Variants in NRF1 observed in about 807,000 individuals in gnomAD.
NRF1 encodes alpha palindromic-binding protein.
Under a neutral mutation model 58.5 loss-of-function variants are expected in NRF1, and 5 were observed. The ratio of observed to expected loss-of-function variants is 0.09; its 90% confidence interval spans 0.04 to 0.18. The LOEUF (loss-of-function observed/expected upper bound fraction) is 0.18. Ranked by LOEUF, NRF1 falls within the 10% of genes least tolerant of loss-of-function variation. The pLI, the probability that NRF1 is intolerant of heterozygous loss-of-function variation, is 1.00. For missense variants in NRF1, 288 were observed against 657.7 expected (o/e 0.44, Z 6.15); for synonymous variants, 224 against 246.7 (o/e 0.91, Z 0.86).
intron 5 of NRF1, among the ~76,000 whole-genome samples, chr7:129,700,395 T>C (rs1340559990): frequency 6.6e-6 from 1 of 152,186 alleles, no homozygotes; most frequent in East Asian, 1.9e-4. Flanking sequence ...AATTAAGTCA[T>C]AGTCTTCAGG....
chr7:129,736,445 T>TG (rs2116281138), intron 10 of NRF1, among the ~76,000 whole-genome samples: 1 of 151,942 alleles, frequency 6.6e-6, no homozygotes, highest in African/African-American at 2.4e-5. Flanking sequence ...TTAGTAGAGA[T>TG]GGGGTTTCAC....
chr7:129,673,640 C>T (rs1300473479), intron 3 of NRF1, among the ~76,000 whole-genome samples: 2 of 147,648 alleles, frequency 1.4e-5, no homozygotes, highest in Non-Finnish European at 3.0e-5. Context: ...TGGCGTGAAC[C>T]CGGGAGGCGG....
rs748194138 is a variant in NRF1 at position 129,657,376 on chromosome 7, A to G, written c.25A>G (p.Thr9Ala). 3.1e-6 allele frequency: 5 copies of G among 1,614,156 alleles called. No individual in the cohort carries two copies. Among genetic ancestry groups the G allele is most frequent in the Non-Finnish European group, 4.2e-6 (5 of 1,180,010 alleles). ...CATGGAGGAACACGGAGTGACCCAAACCGAACATATGGCTACCATAGAAGC... is the reference window on the plus strand; with the variant it reads ...CATGGAGGAACACGGAGTGACCCAAGCCGAACATATGGCTACCATAGAAGC... Reference protein sequence around the residue: MEEHGVTQTEHMATIEAHA... With the variant: MEEHGVTQAEHMATIEAHA... Residue 9 changes from threonine to alanine, a missense_variant, in exon 2 of 11, where the codon ACC (threonine) becomes GCC (alanine). Physicochemically the swap from Thr to Ala is moderately conservative, Grantham distance 58. This residue lies in a region of NRF1 where 48 missense variants were observed against 65.5 expected (regional missense o/e 0.73). Transcript: ENST00000393232.
At chr7:129,723,206 G>A (rs1803371245) in intron 9 of NRF1, among the ~76,000 whole-genome samples, 1 of 152,098 alleles carries the variant, frequency 6.6e-6, no homozygotes, top group Non-Finnish European at 1.5e-5. Flanking sequence ...CACTTTGGGA[G>A]GCCGAGGCGG....
At chr7:129,634,121 A>AT (rs1445552741) in intron 1 of NRF1, among the ~76,000 whole-genome samples, 1 of 151,098 alleles carries the variant, frequency 6.6e-6, no homozygotes, top group Non-Finnish European at 1.5e-5. Flanking sequence ...TTACAGAAAA[A>AT]TTGAGTGGAG....
chr7:129,732,974 G>A (rs1045896363), intron 10 of NRF1, among the ~76,000 whole-genome samples: 18 of 151,904 alleles, frequency 1.2e-4, no homozygotes, highest in Non-Finnish European at 2.4e-4. Context: ...AGGAGGCTGA[G>A]GCAGGAGAAT....
chr7:129,663,625 C>T (rs184713380), intron 2 of NRF1, among the ~76,000 whole-genome samples: 3,018 of 142,978 alleles, frequency 0.021, 96 homozygotes, highest in African/African-American at 0.072. Context: ...TGGGCAGAGG[C>T]GCTCCTCACT....
chr7:129,702,356 G>A (rs1045944207), intron 5 of NRF1, among the ~76,000 whole-genome samples: 2 of 152,174 alleles, frequency 1.3e-5, no homozygotes, highest in African/African-American at 4.8e-5. Context: ...CCATTGACTG[G>A]CCTTCAAATT....
intron 5 of NRF1, among the ~76,000 whole-genome samples, chr7:129,691,158 G>C (rs1327826340): frequency 3.3e-5 from 5 of 151,902 alleles, no homozygotes; most frequent in African/African-American, 1.2e-4. Context: ...CAAAGTGCTG[G>C]GATTACAGGC....
intron 3 of NRF1, among the ~76,000 whole-genome samples, chr7:129,676,715 G>A (rs535702532): frequency 6.6e-6 from 1 of 152,334 alleles, no homozygotes; most frequent in South Asian, 2.1e-4. Flanking sequence ...GACACGAAGT[G>A]AGCACATGCT....
At chr7:129,629,161 A>G (rs540881056) in intron 1 of NRF1, among the ~76,000 whole-genome samples, 6 of 152,346 alleles carry the variant, frequency 3.9e-5, no homozygotes, top group Non-Finnish European at 7.3e-5. Context: ...TCTGTCAAAT[A>G]CCGAGGTCTG....
intron 3 of NRF1, among the ~76,000 whole-genome samples, chr7:129,673,004 A>C (rs996267777): frequency 3.3e-5 from 5 of 152,180 alleles, no homozygotes; most frequent in Admixed American, 2.0e-4. Context: ...CAGCAAAAGA[A>C]TCTAAGAAGC....
intron 5 of NRF1, among the ~76,000 whole-genome samples, chr7:129,696,241 G>A (rs1002609663): frequency 2.6e-5 from 4 of 151,958 alleles, no homozygotes; most frequent in South Asian, 2.1e-4. Flanking sequence ...GCGAAACTCC[G>A]TCTCAAAGAA....
chr7:129,652,883 C>T (rs982435973), intron 1 of NRF1, among the ~76,000 whole-genome samples: 2 of 152,176 alleles, frequency 1.3e-5, no homozygotes, highest in Admixed American at 6.5e-5. Context: ...TGAGCCACCG[C>T]GCCCGGCCAG....
At chr7:129,631,762 A>C (rs1053484398) in intron 1 of NRF1, among the ~76,000 whole-genome samples, 3 of 152,158 alleles carry the variant, frequency 2.0e-5, no homozygotes, top group Non-Finnish European at 4.4e-5. Context: ...CAAAGTAAAA[A>C]ATCTTCTTTT....
chr7:129,705,873 T>C (rs192277375), intron 5 of NRF1, among the ~76,000 whole-genome samples: 1 of 151,950 alleles, frequency 6.6e-6, no homozygotes, highest in Admixed American at 6.6e-5. Flanking sequence ...CCCTGGAGGT[T>C]GAGGCTGCAT....
In NRF1 at chr7:129,701,345, C is replaced by T. The variant is rs536127524; in HGVS notation, c.607-7730C>T. Among the ~76,000 whole-genome samples the T allele has an allele frequency of 2.0e-5, 3 of 152,082 alleles. 1 individual carries two copies. In the South Asian group the frequency reaches 6.2e-4, roughly 32 times the overall value. ...TGGGTGCAGTGGCTCATGCCTGTAT[C>T]CCAGCACTTTGGGAGGCTGAGGTGG... On this transcript the variant is annotated intron_variant, in intron 5 of 10. Coordinates refer to ENST00000393232, the MANE Select transcript of NRF1 (RefSeq NM_005011.5).
intron 10 of NRF1, among the ~76,000 whole-genome samples, chr7:129,737,599 G>A (rs1273494063): frequency 6.6e-6 from 1 of 151,926 alleles, no homozygotes; most frequent in Non-Finnish European, 1.5e-5. Flanking sequence ...CTTGTTCCCT[G>A]GACACATCAG....
intron 1 of NRF1, 143 bp downstream of exon 1, chr7:129,611,967 CCCGCCTCGGGCGGGGG>C (rs1800540406): frequency 6.7e-6 from 1 of 148,566 alleles, no homozygotes; most frequent in Non-Finnish European, 1.5e-5. Flanking sequence ...CCGGATTCGG[CCCGCCTCGGGCGGGGG>C]GCCCCGGCCC....
Sources: allele counts gnomAD v4.1 joint callset (sites outside exome capture counted in the v4.1 genomes callset), GRCh38; gene constraint gnomAD v4.1.1; regional missense constraint gnomAD v4.1.1; transcripts MANE v1.5; gene names NCBI Gene and HGNC (gene_info 2026-07-23, HGNC 2026-07-21).